The following PCLO variants were observed in gnomAD, a reference collection of about 807,000 sequenced individuals.
The protein encoded by PCLO is protein piccolo.
In PCLO, 82 loss-of-function variants were observed where a neutral mutation model predicts 427.5. The observed-to-expected ratio is 0.19, with a 90% CI of 0.16 to 0.23. The LOEUF is 0.23. Among genes scored for constraint, PCLO ranks in the 10% least tolerant of loss-of-function variants. The pLI, the probability that PCLO is intolerant of heterozygous loss-of-function variation, is 1.00. For synonymous variants in PCLO, 2,357 were observed against 2,155.4 expected, an observed-to-expected ratio of 1.09 and a Z score of -2.59; for missense variants, 6,239 against 6,115.9, an observed-to-expected ratio of 1.02 and a Z score of -0.67.
chr7:83,053,239 T>C (rs1272799984), intron 3 of PCLO, among the ~76,000 whole-genome samples: 2 of 151,904 alleles, frequency 1.3e-5, no homozygotes, highest in African/African-American at 2.4e-5. Context: ...ATACCCAGAT[T>C]AGGCTTCACT....
intron 3 of PCLO, among the ~76,000 whole-genome samples, chr7:83,096,954 AT>A (rs1286126527): frequency 3.9e-5 from 1 of 25,862 alleles, no homozygotes; most frequent in African/African-American, 3.7e-4. Context: ...TATTATATAA[AT>A]AATATAATAT....
chr7:82,986,745 T>C (rs1796265113), intron 3 of PCLO, among the ~76,000 whole-genome samples: 1 of 151,950 alleles, frequency 6.6e-6, no homozygotes, highest in Non-Finnish European at 1.5e-5. Context: ...AGGAAATTCA[T>C]AATTTTCAAA....
intron 10 of PCLO, among the ~76,000 whole-genome samples, chr7:82,848,467 C>T (rs367690534): frequency 1.3e-4 from 19 of 151,680 alleles, no homozygotes; most frequent in South Asian, 2.1e-4. Context: ...TGCGCCACCA[C>T]GCCTGGCTAA....
chr7:83,037,124 C>T (rs1484206219), intron 3 of PCLO, among the ~76,000 whole-genome samples: 1 of 152,052 alleles, frequency 6.6e-6, no homozygotes, highest in Non-Finnish European at 1.5e-5. Context: ...TATTTATTGA[C>T]AAAACAAACC....
At chr7:82,939,687 A>G (rs1011622896) in intron 6 of PCLO, among the ~76,000 whole-genome samples, 6 of 148,624 alleles carry the variant, frequency 4.0e-5, no homozygotes, top group Non-Finnish European at 7.4e-5. Context: ...AGATATAGAT[A>G]TATTTTCCAC....
Position 82,950,373 on chromosome 7 carries a change from T to C in PCLO, c.10215A>G (p.Lys3405=), listed in dbSNP as rs1209666485. ...TTCTCTTTTTGGGTTGTTTTTCCTC[T>C]TTCACAACAACATCTGTTAGAGGTA... The part of the protein sequence containing the change: ...SEIPLTDVVV[K]EEKQPKKRSS... Residue 3405 remains lysine, a synonymous_variant, in exon 6 of 25, where the codon AAA becomes AAG. Transcript: ENST00000333891. 1 of 1,613,772 alleles carries C rather than the reference T, an allele frequency of 6.2e-7. No individual in the cohort carries two copies. The highest frequency in any genetic ancestry group is 1.7e-5 in the Admixed American group (1 of 59,974).
chr7:83,108,207 A>G (rs1175810719), intron 3 of PCLO, among the ~76,000 whole-genome samples: 1 of 152,128 alleles, frequency 6.6e-6, no homozygotes, highest in Non-Finnish European at 1.5e-5. Context: ...AGAAAGAAGT[A>G]AAAATCATGA....
intron 3 of PCLO, among the ~76,000 whole-genome samples, chr7:83,062,474 T>A (rs1789564870): frequency 6.6e-6 from 1 of 152,174 alleles, no homozygotes; most frequent in Non-Finnish European, 1.5e-5. Flanking sequence ...TTCTTCATTT[T>A]CTTTCATAGT....
intron 2 of PCLO, among the ~76,000 whole-genome samples, chr7:83,140,987 A>T (rs1791846138): frequency 6.6e-6 from 1 of 152,246 alleles, no homozygotes; most frequent in African/African-American, 2.4e-5. Flanking sequence ...AGATGATTTT[A>T]GTCCTTATCA....
chr7:83,084,267 A>G (rs981634734), intron 3 of PCLO, among the ~76,000 whole-genome samples: 4 of 143,420 alleles, frequency 2.8e-5, no homozygotes, highest in Non-Finnish European at 6.0e-5. Flanking sequence ...CACCCTATTT[A>G]AAAAAAAAAG....
Position 82,792,036 on chromosome 7 carries a change from A to T in PCLO, c.15007+9482T>A, listed in dbSNP as rs1410763966. On this transcript the variant is annotated intron_variant, in intron 22 of 24. Transcript: ENST00000333891. ...TTCATAGACTTTTTTTCCTCCAGAG[A>T]TTTTGTATTTTACATCATCAAAGTC... Among the ~76,000 whole-genome samples, 4 of 151,994 alleles carry T rather than the reference A, an allele frequency of 2.6e-5. No homozygotes were observed. In the East Asian group the frequency reaches 7.7e-4, roughly 29 times the overall value.
chr7:82,880,243 C>G (rs1793472258), intron 9 of PCLO, among the ~76,000 whole-genome samples: 1 of 152,084 alleles, frequency 6.6e-6, no homozygotes, highest in South Asian at 2.1e-4. Context: ...ATGTACTGTA[C>G]TGTAATCTTA....
intron 19 of PCLO, 33 bp downstream of exon 19, chr7:82,824,202 CA>C: frequency 2.7e-6 from 4 of 1,483,750 alleles, no homozygotes; most frequent in Non-Finnish European, 2.7e-6. Flanking sequence ...CAAATAGACA[CA>C]AAACTTTTTC....
At chr7:83,007,410 A>G (rs1787972790) in intron 3 of PCLO, among the ~76,000 whole-genome samples, 1 of 131,696 alleles carries the variant, frequency 7.6e-6, no homozygotes, top group Non-Finnish European at 1.6e-5. Flanking sequence ...TGTTAATATA[A>G]AGGGCATATT....
Position 82,911,445 on chromosome 7 carries a change from T to A in PCLO, c.13301-2432A>T, listed in dbSNP as rs375556810. On this transcript the variant is annotated intron_variant, in intron 7 of 24. Transcript: ENST00000333891. ...GTTTGAAGGAGACTAACAGTATTTT[T>A]TTTTTAAACTTGACAATATTTTCTT... 4.2e-4 allele frequency among the ~76,000 whole-genome samples: 64 copies of A among 152,166 alleles called. No individual in the cohort carries two copies. The Middle Eastern group carries it at 0.017, about 40-fold the overall frequency.
chr7:83,121,432 AC>A (rs2116562692), intron 3 of PCLO, among the ~76,000 whole-genome samples: 1 of 152,288 alleles, frequency 6.6e-6, no homozygotes, highest in Admixed American at 6.5e-5. Flanking sequence ...AGAAAAAATC[AC>A]TTTTACACCT....
chr7:83,038,059 A>ATATCTT (rs1788865382), intron 3 of PCLO, among the ~76,000 whole-genome samples: 1 of 47,816 alleles, frequency 2.1e-5, no homozygotes, highest in Non-Finnish European at 3.7e-5. Flanking sequence ...ATCTTTATAT[A>ATATCTT]TATATTTATA....
At chr7:82,923,157 G>T (rs568842953) in intron 6 of PCLO, among the ~76,000 whole-genome samples, 1 of 152,132 alleles carries the variant, frequency 6.6e-6, no homozygotes, top group East Asian at 1.9e-4. Context: ...CTGGATAAGA[G>T]AGAATGATTG....
intron 3 of PCLO, among the ~76,000 whole-genome samples, chr7:83,067,895 C>G (rs576346863): frequency 6.6e-6 from 1 of 152,342 alleles, no homozygotes; most frequent in Admixed American, 6.5e-5. Context: ...AGGAATGCTT[C>G]TGGGGTACAG....
Sources: gnomAD v4.1 joint callset for allele counts (sites outside exome capture counted in the v4.1 genomes callset) on GRCh38, gnomAD v4.1.1 for gene constraint, MANE v1.5 for transcripts, NCBI Gene and HGNC (gene_info 2026-07-23, HGNC 2026-07-21) for gene names.